The following YAF2 variants were observed in gnomAD, a reference collection of about 807,000 sequenced individuals.
The protein encoded by YAF2 is YY1-associated factor 2.
A neutral mutation model predicts 20.1 loss-of-function variants in YAF2; 7 were observed. The ratio of observed to expected loss-of-function variants is 0.35; its 90% CI spans 0.20 to 0.65. The LOEUF (loss-of-function observed/expected upper bound fraction) is 0.65, where lower values mean the gene tolerates loss of function less well. YAF2 is among the 30% of genes least tolerant of loss of function. The pLI, the probability that YAF2 is intolerant of heterozygous loss-of-function variation, is 0.69. For missense variants in YAF2, 151 were observed against 219.2 expected (o/e 0.69, Z 1.96); for synonymous variants, 74 against 76.0 (o/e 0.97, Z 0.14).
chr12:42,216,123 T>C (rs894447614), intron 2 of YAF2, among the ~76,000 whole-genome samples: 1 of 152,174 alleles, frequency 6.6e-6, no homozygotes, highest in Non-Finnish European at 1.5e-5. Context: ...TAGATATTAC[T>C]AGATAATTAT....
intron 2 of YAF2, chr12:42,172,266 G>A (rs1465431952): frequency 6.6e-6 from 1 of 152,212 alleles, no homozygotes; most frequent in Non-Finnish European, 1.5e-5. Context: ...ACAGTAGTTA[G>A]TAACCACTTA....
chr12:42,183,477 C>CAA (rs1330545544), intron 2 of YAF2, among the ~76,000 whole-genome samples: 1 of 152,118 alleles, frequency 6.6e-6, no homozygotes, highest in South Asian at 2.1e-4. Flanking sequence ...AGGGAACACA[C>CAA]AAATGATAAG....
intron 2 of YAF2, among the ~76,000 whole-genome samples, chr12:42,221,916 G>A (rs1317056865): frequency 6.6e-6 from 1 of 152,120 alleles, no homozygotes; most frequent in East Asian, 1.9e-4. Flanking sequence ...TATCATTAAG[G>A]TTTCAAGTAA....
At chr12:42,195,564 T>C (rs573255836) in intron 2 of YAF2, among the ~76,000 whole-genome samples, 25 of 152,196 alleles carry the variant, frequency 1.6e-4, no homozygotes, top group African/African-American at 3.1e-4. Context: ...TTCCGTAAAA[T>C]AGAAACCACA....
At chr12:42,232,590 C>A in intron 2 of YAF2, 2 of 985,374 alleles carry the variant, frequency 2.0e-6, no homozygotes, top group South Asian at 4.7e-5. Context: ...AGACAGGAGG[C>A]GGCTCAGGAA....
chr12:42,207,231 T>C (rs1395508747), intron 2 of YAF2, among the ~76,000 whole-genome samples: 1 of 152,246 alleles, frequency 6.6e-6, no homozygotes, highest in Non-Finnish European at 1.5e-5. Context: ...GCTCTTTATC[T>C]TGGCTTGTCT....
chr12:42,207,417 A>T (rs1425186736), intron 2 of YAF2, among the ~76,000 whole-genome samples: 3 of 152,152 alleles, frequency 2.0e-5, no homozygotes, highest in African/African-American at 7.2e-5. Context: ...AAGTGAAGCT[A>T]CTCTATACTC....
intron 1 of YAF2, 22 bp downstream of exon 1, chr12:42,238,133 C>T (rs763909684): frequency 2.0e-6 from 3 of 1,534,484 alleles, no homozygotes; most frequent in South Asian, 2.4e-5. Flanking sequence ...CAGTCCGGGC[C>T]CCGGGGCCCG....
At chr12:42,228,426 G>T (rs866702282) in intron 2 of YAF2, among the ~76,000 whole-genome samples, 11 of 59,186 alleles carry the variant, frequency 1.9e-4, no homozygotes, top group Non-Finnish European at 2.8e-4. Flanking sequence ...GGAGGGAGGT[G>T]GGGGGGTCAG....
chr12:42,180,189 G>A (rs2066307255), intron 2 of YAF2, among the ~76,000 whole-genome samples: 1 of 152,132 alleles, frequency 6.6e-6, no homozygotes, highest in South Asian at 2.1e-4. Flanking sequence ...ACCTAGTGAG[G>A]TGCTTCTAAT....
At chr12:42,202,768 A>G (rs766440898) in intron 2 of YAF2, among the ~76,000 whole-genome samples, 1 of 152,102 alleles carries the variant, frequency 6.6e-6, no homozygotes, top group Non-Finnish European at 1.5e-5. Context: ...CCTCCCAAGT[A>G]GCTGGGATTA....
At chr12:42,197,506 T>C (rs1565624935) in intron 2 of YAF2, among the ~76,000 whole-genome samples, 1 of 152,194 alleles carries the variant, frequency 6.6e-6, no homozygotes, top group Non-Finnish European at 1.5e-5. Flanking sequence ...AAGTAACAGC[T>C]AAACGCTGCA....
chr12:42,215,355 C>T (rs918901069), intron 2 of YAF2, among the ~76,000 whole-genome samples: 4 of 150,508 alleles, frequency 2.7e-5, no homozygotes, highest in African/African-American at 9.8e-5. Flanking sequence ...TCGCAAGAGC[C>T]CAGGAGTTCG....
chr12:42,189,724 GATTAGTATTA>G (rs1319650023), intron 2 of YAF2, among the ~76,000 whole-genome samples: 1 of 151,944 alleles, frequency 6.6e-6, no homozygotes, highest in East Asian at 1.9e-4. Flanking sequence ...TTACATTTCT[GATTAGTATTA>G]ATTAGTATTA....
intron 2 of YAF2, among the ~76,000 whole-genome samples, chr12:42,216,059 A>C (rs1236129400): frequency 6.6e-6 from 1 of 152,158 alleles, no homozygotes; most frequent in Non-Finnish European, 1.5e-5. Flanking sequence ...TGTTAATTCT[A>C]TCACATTTTG....
intron 2 of YAF2, among the ~76,000 whole-genome samples, chr12:42,227,602 G>A (rs1420493808): frequency 3.3e-5 from 5 of 149,438 alleles, no homozygotes; most frequent in East Asian, 2.0e-4. Context: ...CCTCTGCCTG[G>A]CAACCACCCC....
intron 2 of YAF2, among the ~76,000 whole-genome samples, chr12:42,193,110 T>C (rs1311115525): frequency 6.6e-6 from 1 of 151,662 alleles, no homozygotes; most frequent in African/African-American, 2.4e-5. Context: ...AGGCCAGGAG[T>C]TTGAGACCAG....
At chr12:42,169,273 C>G (rs2065985659) in intron 2 of YAF2, among the ~76,000 whole-genome samples, 1 of 152,182 alleles carries the variant, frequency 6.6e-6, no homozygotes, top group South Asian at 2.1e-4. Context: ...GTTCTACTTT[C>G]TTATTCCTCT....
intron 2 of YAF2, among the ~76,000 whole-genome samples, chr12:42,227,963 G>A (rs1321586713): frequency 1.4e-5 from 2 of 144,902 alleles, no homozygotes; most frequent in Non-Finnish European, 3.0e-5. Context: ...CCCTGTCCGG[G>A]AGGGAGGTGG....
Sources: gnomAD v4.1 joint callset for allele counts (sites outside exome capture counted in the v4.1 genomes callset) on GRCh38, gnomAD v4.1.1 for gene constraint, MANE v1.5 for transcripts, NCBI Gene and HGNC (gene_info 2026-07-23, HGNC 2026-07-21) for gene names.